Variants in SLC4A10 observed in about 807,000 individuals in gnomAD.
SLC4A10 encodes the protein solute carrier family 4 member 10.
Under a neutral mutation model 137.7 loss-of-function variants are expected in SLC4A10, and 42 were observed. That is an observed-to-expected ratio of 0.30 (90% CI 0.24 to 0.39). SLC4A10 has a LOEUF of 0.39. SLC4A10 is among the 10% of genes least tolerant of loss of function. SLC4A10 has a pLI of 1.00. For synonymous variants in SLC4A10, 474 were observed against 464.1 expected (o/e 1.02, Z -0.27); for missense variants, 925 against 1,355.0 (o/e 0.68, Z 4.98).
At chr2:161,698,548 G>A (rs866719684) in intron 1 of SLC4A10, among the ~76,000 whole-genome samples, 2 of 152,240 alleles carry the variant, frequency 1.3e-5, no homozygotes, top group East Asian at 3.9e-4. Context: ...GGCCTTTTCT[G>A]CATCTATTGA....
chr2:161,778,314 A>G (rs1384098771), intron 2 of SLC4A10, among the ~76,000 whole-genome samples: 1 of 151,928 alleles, frequency 6.6e-6, no homozygotes, highest in Non-Finnish European at 1.5e-5. Flanking sequence ...AATAATAATT[A>G]TCTTTCTCCT....
intron 2 of SLC4A10, among the ~76,000 whole-genome samples, chr2:161,801,581 C>T (rs1358335684): frequency 3.9e-5 from 6 of 151,994 alleles, no homozygotes; most frequent in Admixed American, 1.3e-4. Flanking sequence ...AGTATTCTCC[C>T]CAACTGATGC....
intron 1 of SLC4A10, among the ~76,000 whole-genome samples, chr2:161,754,519 G>T (rs1378286480): frequency 6.6e-6 from 1 of 152,148 alleles, no homozygotes; most frequent in African/African-American, 2.4e-5. Flanking sequence ...CTTCAAGGCA[G>T]AAAAGGAATC....
chr2:161,944,271 T>C (rs1205775576), intron 16 of SLC4A10, among the ~76,000 whole-genome samples: 4 of 151,902 alleles, frequency 2.6e-5, no homozygotes, highest in Admixed American at 2.6e-4. Flanking sequence ...CTGTCTACAC[T>C]TTCTTTGGTA....
chr2:161,709,420 A>G (rs2044044641), intron 1 of SLC4A10, among the ~76,000 whole-genome samples: 2 of 151,610 alleles, frequency 1.3e-5, no homozygotes, highest in South Asian at 4.1e-4. Context: ...GAACTGTTGT[A>G]AAGACACTGG....
chr2:161,730,714 A>G (rs2046737378), intron 1 of SLC4A10, among the ~76,000 whole-genome samples: 1 of 152,230 alleles, frequency 6.6e-6, no homozygotes, highest in Admixed American at 6.5e-5. Context: ...GAAAGCATAA[A>G]AGTGTAATTT....
chr2:161,941,127 A>G (rs1692611132), intron 15 of SLC4A10, among the ~76,000 whole-genome samples: 1 of 152,210 alleles, frequency 6.6e-6, no homozygotes, highest in South Asian at 2.1e-4. Context: ...ATACATAGTG[A>G]AGGAAAGAAA....
At chr2:161,635,934 G>A (rs1233682356) in intron 1 of SLC4A10, among the ~76,000 whole-genome samples, 1 of 152,080 alleles carries the variant, frequency 6.6e-6, no homozygotes, top group Non-Finnish European at 1.5e-5. Flanking sequence ...GTGAACTGCT[G>A]ATTTATTTTG....
chr2:161,737,934 C>T (rs1307801621), intron 1 of SLC4A10, among the ~76,000 whole-genome samples: 1 of 152,158 alleles, frequency 6.6e-6, no homozygotes, highest in Non-Finnish European at 1.5e-5. Context: ...GCACATTCTG[C>T]AGCATTTCTA....
intron 1 of SLC4A10, among the ~76,000 whole-genome samples, chr2:161,767,217 C>CATATATAT (rs72199258): frequency 1.1e-5 from 1 of 92,362 alleles, no homozygotes; most frequent in Non-Finnish European, 2.4e-5. Flanking sequence ...TATATATACA[C>CATATATAT]ATATATATAT....
At chr2:161,945,180 GTGTATATATA>G (rs1693517598) in intron 16 of SLC4A10, among the ~76,000 whole-genome samples, 3 of 94,738 alleles carry the variant, frequency 3.2e-5, no homozygotes, top group African/African-American at 4.8e-5. Flanking sequence ...TTAAGTTTGT[GTGTATATATA>G]TATATATATA....
intron 4 of SLC4A10, among the ~76,000 whole-genome samples, chr2:161,848,579 C>A (rs1231413432): frequency 1.3e-5 from 2 of 151,942 alleles, no homozygotes; most frequent in African/African-American, 4.8e-5. Flanking sequence ...GTAGGGGTCC[C>A]GTTTCAATCT....
chr2:161,715,425 C>G (rs1002286774), intron 1 of SLC4A10, among the ~76,000 whole-genome samples: 3 of 152,024 alleles, frequency 2.0e-5, no homozygotes, highest in Non-Finnish European at 2.9e-5. Context: ...AGGTGGTTTG[C>G]TGCACCTATC....
intron 9 of SLC4A10, among the ~76,000 whole-genome samples, chr2:161,881,829 C>T (rs2061807888): frequency 1.3e-5 from 2 of 151,846 alleles, no homozygotes; most frequent in Admixed American, 1.3e-4. Context: ...TCATTAACTC[C>T]CCATTTTCTT....
intron 1 of SLC4A10, among the ~76,000 whole-genome samples, chr2:161,653,849 A>G (rs901086690): frequency 6.6e-6 from 1 of 152,210 alleles, no homozygotes; most frequent in South Asian, 2.1e-4. Flanking sequence ...TACAATTAAT[A>G]TGGGAATGCA....
At position 161,819,784 on chromosome 2, in the gene SLC4A10, G is replaced by A. The variant is rs142035041; in HGVS notation, c.277+15189G>A. Among the ~76,000 whole-genome samples the A allele has an allele frequency of 6.9e-3, 1,044 of 152,180 alleles. 18 individuals carry two copies. Among genetic ancestry groups the A allele is most frequent in the African/African-American group, 0.024 (1,012 of 41,514 alleles). ...GCTGGGATTACAGGAATGAGCCACC[G>A]CATCCAGCCCACATTTGTTATTTTT... On this transcript the variant is annotated intron_variant, in intron 3 of 26. Transcript: ENST00000446997.
rs1041395876 is a variant in SLC4A10 at position 161,842,843 on chromosome 2, G to A, written c.416+2916G>A. 2.6e-5 allele frequency among the ~76,000 whole-genome samples: 4 copies of A among 152,072 alleles called. No individual in the cohort carries two copies. In the East Asian group the frequency reaches 5.8e-4, roughly 22 times the overall value. On this transcript the variant is annotated intron_variant, in intron 4 of 26. Transcript: ENST00000446997. ...TTTCCACAGATTAGTGATATAACTTGCTCTTTTATGATTTTGATAAGTTAA... is the reference window on the plus strand; with the variant it reads ...TTTCCACAGATTAGTGATATAACTTACTCTTTTATGATTTTGATAAGTTAA...
intron 1 of SLC4A10, among the ~76,000 whole-genome samples, chr2:161,682,862 G>C (rs1207716278): frequency 1.3e-5 from 2 of 152,048 alleles, no homozygotes; most frequent in African/African-American, 4.8e-5. Context: ...TAGTACAAAA[G>C]TCATAGCTGC....
At chr2:161,660,212 A>G (rs997963855) in intron 1 of SLC4A10, among the ~76,000 whole-genome samples, 3 of 152,220 alleles carry the variant, frequency 2.0e-5, no homozygotes, top group Admixed American at 6.5e-5. Flanking sequence ...GAATTGCATG[A>G]CATTCTAGCA....
Sources: gnomAD v4.1 joint callset for allele counts (sites outside exome capture counted in the v4.1 genomes callset) on GRCh38, gnomAD v4.1.1 for gene constraint, MANE v1.5 for transcripts, NCBI Gene and HGNC (gene_info 2026-07-23, HGNC 2026-07-21) for gene names.